The following RSRC1 variants were observed in gnomAD, a reference collection of about 807,000 sequenced individuals.
RSRC1 encodes serine/Arginine-related protein 53.
In RSRC1, 39 loss-of-function variants were observed where a neutral mutation model predicts 49.1. That is an observed-to-expected ratio of 0.79 (90% CI 0.61 to 1.04). The LOEUF (loss-of-function observed/expected upper bound fraction) is 1.04. Ranked by LOEUF, RSRC1 falls within the 50% of genes least tolerant of loss-of-function variation. The pLI, the probability that RSRC1 is intolerant of heterozygous loss-of-function variation, is 0.00. For synonymous variants in RSRC1, 143 were observed against 130.8 expected (o/e 1.09, Z -0.63); for missense variants, 388 against 402.4 (o/e 0.96, Z 0.31).
chr3:158,159,302 G>C (rs1032451451), intron 3 of RSRC1, among the ~76,000 whole-genome samples: 1 of 152,164 alleles, frequency 6.6e-6, no homozygotes, highest in Non-Finnish European at 1.5e-5. Flanking sequence ...AATTGGAAGT[G>C]TCCTAGAGAA....
intron 7 of RSRC1, among the ~76,000 whole-genome samples, chr3:158,516,441 G>C (rs1156611707): frequency 1.3e-5 from 2 of 152,174 alleles, no homozygotes; most frequent in Non-Finnish European, 2.9e-5. Context: ...ACTTGAGGAG[G>C]CAGTCTGCCT....
At chr3:158,359,527 C>A (rs1731353240) in intron 6 of RSRC1, among the ~76,000 whole-genome samples, 1 of 152,110 alleles carries the variant, frequency 6.6e-6, no homozygotes. Flanking sequence ...GCATGGGCAC[C>A]AGCTCTCTGA....
chr3:158,180,909 A>G (rs1018206981), intron 3 of RSRC1, among the ~76,000 whole-genome samples: 1 of 151,060 alleles, frequency 6.6e-6, no homozygotes, highest in African/African-American at 2.4e-5. Flanking sequence ...GGTTCAAGCA[A>G]TTCTCCTGCT....
chr3:158,365,766 A>G (rs952690275), intron 6 of RSRC1, among the ~76,000 whole-genome samples: 4 of 152,198 alleles, frequency 2.6e-5, no homozygotes, highest in Non-Finnish European at 5.9e-5. Context: ...TCCCACCAAC[A>G]TTGTAAAAGC....
intron 3 of RSRC1, among the ~76,000 whole-genome samples, chr3:158,185,733 AC>A (rs1244680605): frequency 1.3e-5 from 2 of 151,888 alleles, no homozygotes; most frequent in African/African-American, 4.8e-5. Flanking sequence ...TTATTCTTTT[AC>A]CCCTTTGTAA....
chr3:158,382,388 G>A (rs938098289), intron 6 of RSRC1, among the ~76,000 whole-genome samples: 5 of 152,098 alleles, frequency 3.3e-5, no homozygotes, highest in Admixed American at 1.3e-4. Flanking sequence ...CAGTAACACA[G>A]TCATTTATTA....
chr3:158,400,815 G>A (rs1232222942), intron 6 of RSRC1, among the ~76,000 whole-genome samples: 1 of 152,000 alleles, frequency 6.6e-6, no homozygotes, highest in African/African-American at 2.4e-5. Context: ...TAAGTATATA[G>A]TGTTTATAAA....
intron 5 of RSRC1, among the ~76,000 whole-genome samples, chr3:158,345,158 C>T (rs1730476523): frequency 6.6e-6 from 1 of 151,078 alleles, no homozygotes; most frequent in Non-Finnish European, 1.5e-5. Flanking sequence ...ACCCAGGAGG[C>T]AGAAGTTGCA....
intron 7 of RSRC1, among the ~76,000 whole-genome samples, chr3:158,492,845 C>T (rs1034538946): frequency 6.6e-6 from 1 of 152,148 alleles, no homozygotes; most frequent in Non-Finnish European, 1.5e-5. Flanking sequence ...CCCCACCCTG[C>T]TCCCACTCCT....
rs553011252 is a variant in RSRC1, at chr3:158,522,373, C to A, written c.653-14719C>A. ...CCTGGCTAGAATGCAGTGGCACAATCACGGCTCACTGCAGCCTTGAATTCC... is the reference window on the plus strand; with the variant it reads ...CCTGGCTAGAATGCAGTGGCACAATAACGGCTCACTGCAGCCTTGAATTCC... On this transcript the variant is annotated intron_variant, in intron 7 of 9. Transcript: ENST00000611884. Among the ~76,000 whole-genome samples the A allele has an allele frequency of 1.8e-4, 28 of 152,120 alleles. No individual in the cohort carries two copies. The South Asian group carries it at 3.9e-3, about 21-fold the overall frequency.
At chr3:158,410,502 G>A (rs1307715433) in intron 6 of RSRC1, among the ~76,000 whole-genome samples, 2 of 152,090 alleles carry the variant, frequency 1.3e-5, no homozygotes, top group Non-Finnish European at 1.5e-5. Flanking sequence ...ATGATTGTCT[G>A]ATGTTTCTCT....
intron 7 of RSRC1, among the ~76,000 whole-genome samples, chr3:158,493,283 C>T (rs942571392): frequency 6.6e-6 from 1 of 152,058 alleles, no homozygotes; most frequent in African/African-American, 2.4e-5. Context: ...TTTATTCTCC[C>T]CAGTAGAAGT....
intron 6 of RSRC1, among the ~76,000 whole-genome samples, chr3:158,363,855 A>T (rs1297105571): frequency 9.2e-5 from 14 of 152,196 alleles, no homozygotes; most frequent in Non-Finnish European, 1.5e-5. Context: ...GTAATGTTTT[A>T]TGATTTTTTT....
At chr3:158,490,226 A>C (rs539014268) in intron 7 of RSRC1, among the ~76,000 whole-genome samples, 21 of 152,286 alleles carry the variant, frequency 1.4e-4, no homozygotes, top group African/African-American at 5.1e-4. Context: ...TTGGTACTAC[A>C]GGCATCCGCC....
intron 5 of RSRC1, among the ~76,000 whole-genome samples, chr3:158,346,322 AAAG>A (rs1364468926): frequency 6.6e-6 from 1 of 152,170 alleles, no homozygotes; most frequent in Non-Finnish European, 1.5e-5. Context: ...TTAAAAAGAA[AAAG>A]AAGGAGAAGA....
At chr3:158,469,353 T>C in intron 7 of RSRC1, 1 of 450,770 alleles carries the variant, frequency 2.2e-6, no homozygotes, top group Non-Finnish European at 4.5e-6. Flanking sequence ...GAAATGCTAC[T>C]AAAAGAGTGC....
chr3:158,395,616 A>C (rs1402928934), intron 6 of RSRC1, among the ~76,000 whole-genome samples: 1 of 152,132 alleles, frequency 6.6e-6, no homozygotes, highest in Non-Finnish European at 1.5e-5. Flanking sequence ...GCAAACCAAA[A>C]CCACAATGAG....
intron 7 of RSRC1, among the ~76,000 whole-genome samples, chr3:158,468,204 A>G (rs747185149): frequency 1.2e-4 from 18 of 152,316 alleles, no homozygotes; most frequent in Admixed American, 9.8e-4. Context: ...AAGTGCTGGG[A>G]TTACAGGCGT....
intron 7 of RSRC1, among the ~76,000 whole-genome samples, chr3:158,471,970 A>T (rs927159110): frequency 4.6e-5 from 7 of 152,164 alleles, no homozygotes; most frequent in Non-Finnish European, 8.8e-5. Flanking sequence ...GACAAAAAAT[A>T]CTTTATGTAA....
Sources: gnomAD v4.1 joint callset for allele counts (sites outside exome capture counted in the v4.1 genomes callset) on GRCh38, gnomAD v4.1.1 for gene constraint, MANE v1.5 for transcripts, NCBI Gene and HGNC (gene_info 2026-07-23, HGNC 2026-07-21) for gene names.